Variants in MCTP2 observed in about 807,000 individuals in gnomAD.
The protein encoded by MCTP2 is multiple C2 and transmembrane domain-containing protein 2.
Under a neutral mutation model 111.6 loss-of-function variants are expected in MCTP2, and 132 were observed. That is an observed-to-expected ratio of 1.18 (90% CI 1.03 to 1.37). The LOEUF is 1.37. MCTP2 is among the 40% of genes most tolerant of loss of function. MCTP2 has a pLI of 0.00. For synonymous variants in MCTP2, 395 were observed against 387.7 expected (o/e 1.02, Z -0.22); for missense variants, 1,183 against 1,067.9 (o/e 1.11, Z -1.50).
chr15:94,349,750 G>A (rs2078197722), intron 8 of MCTP2, among the ~76,000 whole-genome samples: 1 of 150,946 alleles, frequency 6.6e-6, no homozygotes, highest in African/African-American at 2.4e-5. Context: ...AACCTGGGAG[G>A]TGGAGCTTGC....
intron 12 of MCTP2, among the ~76,000 whole-genome samples, chr15:94,371,127 A>G (rs1278060905): frequency 3.1e-5 from 3 of 97,682 alleles, no homozygotes; most frequent in Non-Finnish European, 6.4e-5. Context: ...AACTTAGTTG[A>G]AAAAAAAAAA....
intron 19 of MCTP2, among the ~76,000 whole-genome samples, chr15:94,451,456 CA>C (rs1488524022): frequency 1.3e-5 from 2 of 152,098 alleles, no homozygotes; most frequent in African/African-American, 4.8e-5. Context: ...CCCTCTTTTT[CA>C]AATATAGGAA....
At chr15:94,333,420 A>T (rs1487172641) in intron 4 of MCTP2, among the ~76,000 whole-genome samples, 2 of 151,840 alleles carry the variant, frequency 1.3e-5, no homozygotes, top group Non-Finnish European at 2.9e-5. Context: ...ACTTTTTTTT[A>T]AAAACCATTG....
intron 6 of MCTP2, 112 bp downstream of exon 6, chr15:94,340,387 TGAAA>T (rs1421924892): frequency 1.2e-6 from 1 of 814,100 alleles, no homozygotes; most frequent in African/African-American, 1.7e-5. Context: ...TCTGAACAAA[TGAAA>T]GAGAGCTTTA....
chr15:94,477,036 A>G (rs73455705), intron 22 of MCTP2, among the ~76,000 whole-genome samples: 2,686 of 152,294 alleles, frequency 0.018, 86 homozygotes, highest in African/African-American at 0.061. Context: ...CTGTGTGGCT[A>G]CTGGGCACTG....
At chr15:94,410,321 G>C (rs1375320206) in intron 17 of MCTP2, among the ~76,000 whole-genome samples, 1 of 152,102 alleles carries the variant, frequency 6.6e-6, no homozygotes, top group Non-Finnish European at 1.5e-5. Flanking sequence ...GCTGTGGTTG[G>C]TGTTCAGGAG....
chr15:94,245,268 GTA>G (rs1284908009), intron 1 of MCTP2, among the ~76,000 whole-genome samples: 3 of 132,844 alleles, frequency 2.3e-5, no homozygotes, highest in Non-Finnish European at 3.3e-5. Context: ...ATACATATGT[GTA>G]TATACGTATA....
At chr15:94,263,338 G>A (rs2073311196) in intron 1 of MCTP2, among the ~76,000 whole-genome samples, 1 of 152,136 alleles carries the variant, frequency 6.6e-6, no homozygotes, top group Non-Finnish European at 1.5e-5. Flanking sequence ...AGCAAACACT[G>A]GACCATTGCT....
chr15:94,346,009 A>G (rs1238196469), intron 8 of MCTP2, among the ~76,000 whole-genome samples: 1 of 152,120 alleles, frequency 6.6e-6, no homozygotes, highest in East Asian at 1.9e-4. Flanking sequence ...GTGCACATAA[A>G]TACGCCAGCT....
At chr15:94,353,883 A>G (rs1232483390) in intron 8 of MCTP2, among the ~76,000 whole-genome samples, 1 of 152,192 alleles carries the variant, frequency 6.6e-6, no homozygotes, top group Non-Finnish European at 1.5e-5. Context: ...CTATAGATAT[A>G]TGTGCATATA....
intron 1 of MCTP2, among the ~76,000 whole-genome samples, chr15:94,248,835 G>T (rs1166728998): frequency 6.6e-6 from 1 of 152,158 alleles, no homozygotes; most frequent in Non-Finnish European, 1.5e-5. Context: ...TTACCCAGTG[G>T]TGTAAACCCT....
At chr15:94,321,842 G>A (rs2076644560) in intron 4 of MCTP2, among the ~76,000 whole-genome samples, 1 of 152,190 alleles carries the variant, frequency 6.6e-6, no homozygotes, top group African/African-American at 2.4e-5. Flanking sequence ...CATATATTTT[G>A]TATATGTATT....
At chr15:94,378,631 T>G (rs2079916801) in intron 12 of MCTP2, among the ~76,000 whole-genome samples, 1 of 152,212 alleles carries the variant, frequency 6.6e-6, no homozygotes, top group African/African-American at 2.4e-5. Flanking sequence ...AAATAACATT[T>G]TAGCAAGGTG....
At chr15:94,392,346 T>C (rs942372164) in intron 14 of MCTP2, among the ~76,000 whole-genome samples, 2 of 151,394 alleles carry the variant, frequency 1.3e-5, no homozygotes, top group Non-Finnish European at 2.9e-5. Context: ...CACTCCAGCC[T>C]GTGTGACCAA....
At chr15:94,377,910 C>T (rs1238857493) in intron 12 of MCTP2, among the ~76,000 whole-genome samples, 1 of 151,914 alleles carries the variant, frequency 6.6e-6, no homozygotes, top group South Asian at 2.1e-4. Context: ...TTCCAGGGCC[C>T]GCCCAGCTTT....
intron 1 of MCTP2, among the ~76,000 whole-genome samples, chr15:94,244,241 T>C (rs1231744585): frequency 1.8e-5 from 2 of 112,112 alleles, no homozygotes; most frequent in Admixed American, 8.1e-5. Context: ...TATATACACG[T>C]GTATACACAT....
chr15:94,367,120 C>T (rs1001639866), intron 10 of MCTP2, among the ~76,000 whole-genome samples: 2 of 152,142 alleles, frequency 1.3e-5, no homozygotes, highest in Non-Finnish European at 1.5e-5. Flanking sequence ...CGCCAGTTGG[C>T]ATTAATCAGG....
intron 14 of MCTP2, among the ~76,000 whole-genome samples, chr15:94,387,826 G>A (rs1027621617): frequency 6.6e-6 from 1 of 152,144 alleles, no homozygotes; most frequent in Non-Finnish European, 1.5e-5. Context: ...AGCCAGGGAG[G>A]GCCTCATGGA....
At chr15:94,374,863 C>T (rs889969331) in intron 12 of MCTP2, among the ~76,000 whole-genome samples, 2 of 152,138 alleles carry the variant, frequency 1.3e-5, no homozygotes, top group Non-Finnish European at 2.9e-5. Context: ...GCCCTCCACG[C>T]CTAGCTCGGT....
Sources: allele counts gnomAD v4.1 joint callset (sites outside exome capture counted in the v4.1 genomes callset), GRCh38; gene constraint gnomAD v4.1.1; transcripts MANE v1.5; gene names NCBI Gene and HGNC (gene_info 2026-07-23, HGNC 2026-07-21).